Variants in TTC7B observed in about 807,000 individuals in gnomAD.
TTC7B encodes tetratricopeptide repeat protein 7B.
TTC7B carries 28 observed loss-of-function variants against 106.8 expected under a neutral mutation model. The observed-to-expected ratio is 0.26, with a 90% confidence interval of 0.19 to 0.36. The LOEUF is 0.36. Among genes scored for constraint, TTC7B ranks in the 10% least tolerant of loss-of-function variants. The pLI is 1.00. For synonymous variants in TTC7B, 405 were observed against 430.6 expected (o/e 0.94, Z 0.74); for missense variants, 862 against 1,076.4 (o/e 0.80, Z 2.79).
At chr14:90,585,462 G>T (rs1378964070) in intron 18 of TTC7B, among the ~76,000 whole-genome samples, 1 of 152,192 alleles carries the variant, frequency 6.6e-6, no homozygotes, top group African/African-American at 2.4e-5. Flanking sequence ...CAACTCATCT[G>T]TGTCCTCTGT....
intron 15 of TTC7B, among the ~76,000 whole-genome samples, chr14:90,628,564 T>C (rs560250072): frequency 1.3e-5 from 2 of 152,108 alleles, no homozygotes; most frequent in Non-Finnish European, 2.9e-5. Flanking sequence ...CACAGTGTGA[T>C]ATGGACTTGA....
Position 90,539,417 on chromosome 14 carries a change from C to T in TTC7B, c.*1951G>A, listed in dbSNP as rs1382456351. The T allele has an allele frequency of 2.0e-5, 3 of 152,380 alleles. No homozygotes were observed. The highest frequency in any genetic ancestry group is 2.9e-5 in the Non-Finnish European group (2 of 68,154). The allele number at this position is 152,380 out of a possible 1,614,324, so 9.4% of individuals were successfully genotyped here. A position where few individuals can be genotyped will look rare whatever the true frequency, so the allele number is the denominator to read the frequency against. ...GGGATGGCAGAGCCCAGCCCTGTGC[C>T]TCCAATCAGGGCAAGCTGCCACCAC... On this transcript the variant is annotated 3_prime_UTR_variant, in exon 20 of 20. Coordinates refer to ENST00000328459, the MANE Select transcript of TTC7B (RefSeq NM_001010854.2).
chr14:90,739,329 T>C (rs1889668466), intron 4 of TTC7B, among the ~76,000 whole-genome samples: 1 of 152,194 alleles, frequency 6.6e-6, no homozygotes, highest in African/African-American at 2.4e-5. Flanking sequence ...TTTTCTTTAT[T>C]GTCTCACATT....
At chr14:90,639,669 T>C (rs534310647) in intron 15 of TTC7B, among the ~76,000 whole-genome samples, 16 of 152,356 alleles carry the variant, frequency 1.1e-4, no homozygotes, top group African/African-American at 3.8e-4. Context: ...ACGACCTAAC[T>C]ATTTCACTCA....
chr14:90,562,871 C>T (rs919188665), intron 19 of TTC7B, among the ~76,000 whole-genome samples: 2 of 152,218 alleles, frequency 1.3e-5, no homozygotes, highest in African/African-American at 4.8e-5. Context: ...CACCTGTCTT[C>T]CCACTTGTGG....
At chr14:90,729,923 G>T in intron 5 of TTC7B, 152 bp downstream of exon 5, 2 of 810,806 alleles carry the variant, frequency 2.5e-6, no homozygotes, top group Non-Finnish European at 3.6e-6. Flanking sequence ...GACAAAAACA[G>T]CCAATGTTCA....
intron 3 of TTC7B, among the ~76,000 whole-genome samples, chr14:90,770,477 A>G (rs1053001781): frequency 1.6e-4 from 25 of 152,100 alleles, no homozygotes; most frequent in African/African-American, 5.1e-4. Context: ...ACCAACATGG[A>G]GAAACCCCGT....
At position 90,540,201 on chromosome 14, in the gene TTC7B, GC is replaced by G. The variant is rs1477795158; in HGVS notation, c.*1166del. The G allele has an allele frequency of 6.6e-6, 1 of 152,246 alleles. No individual in the cohort carries two copies. Among genetic ancestry groups the G allele is most frequent in the African/African-American group, 2.4e-5 (1 of 41,448 alleles). 9.4% of individuals were successfully genotyped at this position (152,246 alleles called of 1,614,324 possible). The stretch of plus-strand genomic sequence containing the variant: ...CACTTTCGGAGGCTGAGGCGGGAGG[GC>G]TGCTTGAGTCCAGGAGTTCAGGACC... On this transcript the variant is annotated 3_prime_UTR_variant, in exon 20 of 20. Transcript: ENST00000328459.
rs893798627 is a variant in TTC7B, at chr14:90,529,415, C to G, written c.*11953G>C. ...GAGTCATGAGGATTAACTCAGTGAGCCCATGGAAAATGCACAAACTAAGCC... is the reference window on the plus strand; with the variant it reads ...GAGTCATGAGGATTAACTCAGTGAGGCCATGGAAAATGCACAAACTAAGCC... On this transcript the variant is annotated 3_prime_UTR_variant, in exon 20 of 20. Transcript: ENST00000328459. 6.6e-6 allele frequency: 1 copy of G among 152,206 alleles called. No individual in the cohort carries two copies. The highest frequency in any genetic ancestry group is 2.4e-5 in the African/African-American group (1 of 41,446). 9.4% of individuals were successfully genotyped at this position (152,206 alleles called of 1,614,324 possible). A position where few individuals can be genotyped will look rare whatever the true frequency, so the allele number is the denominator to read the frequency against.
chr14:90,744,238 G>A (rs1889874937), intron 4 of TTC7B, among the ~76,000 whole-genome samples: 1 of 152,168 alleles, frequency 6.6e-6, no homozygotes, highest in Non-Finnish European at 1.5e-5. Flanking sequence ...GGTATGAACA[G>A]ATGCACACTG....
intron 1 of TTC7B, among the ~76,000 whole-genome samples, chr14:90,795,411 C>T (rs947693008): frequency 2.6e-5 from 4 of 152,204 alleles, no homozygotes; most frequent in Non-Finnish European, 4.4e-5. Context: ...TGCCTATGCA[C>T]TCACCAGGCA....
intron 17 of TTC7B, among the ~76,000 whole-genome samples, chr14:90,604,672 T>A (rs1892567761): frequency 6.6e-6 from 1 of 152,216 alleles, no homozygotes; most frequent in Admixed American, 6.5e-5. Context: ...TTAAATTTTC[T>A]AGCAGTGCTG....
intron 18 of TTC7B, among the ~76,000 whole-genome samples, chr14:90,590,259 G>A (rs967762589): frequency 6.6e-6 from 1 of 152,186 alleles, no homozygotes; most frequent in East Asian, 1.9e-4. Context: ...CGGCACAGGT[G>A]TCCTATTCAC....
intron 5 of TTC7B, among the ~76,000 whole-genome samples, chr14:90,701,222 T>C (rs537453744): frequency 6.6e-6 from 1 of 152,162 alleles, no homozygotes; most frequent in African/African-American, 2.4e-5. Context: ...ACCTCAAACC[T>C]TATGAGAGCT....
At chr14:90,562,112 G>A (rs567072828) in intron 19 of TTC7B, among the ~76,000 whole-genome samples, 96 of 152,140 alleles carry the variant, frequency 6.3e-4, no homozygotes, top group Non-Finnish European at 1.1e-3. Context: ...GCCCCAGCCC[G>A]GCCATGCCCC....
chr14:90,672,795 C>T (rs141979520), intron 9 of TTC7B, among the ~76,000 whole-genome samples: 76 of 152,280 alleles, frequency 5.0e-4, no homozygotes, highest in African/African-American at 1.8e-3. Flanking sequence ...GTTGCTTCCC[C>T]TGTGCCTAGT....
At position 90,816,331 on chromosome 14, in the gene TTC7B, G is replaced by A; in HGVS notation, c.-36C>T. The A allele has an allele frequency of 1.0e-6, 1 of 976,070 alleles. No homozygotes were observed. The highest frequency in any genetic ancestry group is 4.3e-5 in the South Asian group (1 of 23,470). The allele number at this position is 976,070 out of a possible 1,614,324, so 60.5% of individuals were successfully genotyped here. On this transcript the variant is annotated 5_prime_UTR_variant, in exon 1 of 20. Coordinates refer to ENST00000328459, the MANE Select transcript of TTC7B (RefSeq NM_001010854.2). ...CCGGGCCCGGCCGCCCGCCCCGCAG[G>A]CCCCACCGCCGCCGCCGCGGCGCCC...
chr14:90,614,043 C>T (rs964398173), intron 16 of TTC7B, among the ~76,000 whole-genome samples: 1 of 152,206 alleles, frequency 6.6e-6, no homozygotes, highest in African/African-American at 2.4e-5. Flanking sequence ...TCAGCTGAGC[C>T]TCTTCCCAGC....
intron 5 of TTC7B, chr14:90,697,633 T>C (rs1887808200): frequency 6.6e-6 from 1 of 152,236 alleles, no homozygotes; most frequent in East Asian, 1.9e-4. Flanking sequence ...AGAAAATCCG[T>C]TGGCCCAGGT....
Sources: allele counts gnomAD v4.1 joint callset (sites outside exome capture counted in the v4.1 genomes callset), GRCh38; gene constraint gnomAD v4.1.1; transcripts MANE v1.5; gene names NCBI Gene and HGNC (gene_info 2026-07-23, HGNC 2026-07-21).